Variants in BORCS5 observed in about 807,000 individuals in gnomAD.
BORCS5 encodes BLOC-1 related complex subunit 5, also known as BLOC-1-related complex subunit 5.
Under a neutral mutation model 22.1 loss-of-function variants are expected in BORCS5, and 17 were observed. That is an observed-to-expected ratio of 0.77 (90% CI 0.53 to 1.15). The LOEUF (loss-of-function observed/expected upper bound fraction) is 1.15, where lower values mean the gene tolerates loss of function less well. Among genes scored for constraint, BORCS5 ranks in the 50% most tolerant of loss-of-function variants. BORCS5 has a pLI of 0.00. For synonymous variants in BORCS5, 117 were observed against 99.8 expected (o/e 1.17, Z -1.03); for missense variants, 247 against 253.2 (o/e 0.98, Z 0.17).
chr12:12,464,367 T>G (rs970457162), intron 3 of BORCS5, among the ~76,000 whole-genome samples: 1 of 152,202 alleles, frequency 6.6e-6, no homozygotes, highest in African/African-American at 2.4e-5. Flanking sequence ...AGGGAAATTA[T>G]TTTTTCTTGG....
chr12:12,417,677 A>G (rs1942005171), intron 2 of BORCS5, among the ~76,000 whole-genome samples: 1 of 151,988 alleles, frequency 6.6e-6, no homozygotes, highest in African/African-American at 2.4e-5. Context: ...TTTTTTTGAG[A>G]CAGGGTCTAA....
At position 12,465,730 on chromosome 12, in the gene BORCS5, G is replaced by A. The variant is rs528371382; in HGVS notation, c.545G>A (p.Arg182Gln). 19 of 1,614,054 alleles carry A rather than the reference G, an allele frequency of 1.2e-5. No individual in the cohort carries two copies. The highest frequency in any genetic ancestry group is 1.6e-4 in the Middle Eastern group (1 of 6,062). Residue 182 changes from arginine to glutamine, a missense_variant, in exon 4 of 4, where the codon CGG becomes CAG. Transcript: ENST00000314565. ...AACAGCATGCTGCCCGAGGGCGAGC[G>A]GCTGGAGCCCTTCAGCATGAAGCCC... The part of the protein sequence containing the change: ...RLNSMLPEGE[R>Q]LEPFSMKPDR...
chr12:12,447,581 A>C (rs116808169), intron 3 of BORCS5, among the ~76,000 whole-genome samples: 1 of 152,140 alleles, frequency 6.6e-6, no homozygotes, highest in Non-Finnish European at 1.5e-5. Context: ...CATTAGACCA[A>C]TATCATCATT....
chr12:12,369,712 C>CTTTTTTTTTT lies in BORCS5; in HGVS notation c.202+8384_202+8393dup, dbSNP rs71061052. ...GTGTGGTTTCATTCACCCCCCACTT[C>CTTTTTTTTTT]TTTTTTTTTTTTTTTTTTTTTTTTT... On this transcript the variant is annotated intron_variant, in intron 2 of 3. Transcript: ENST00000314565. Among the ~76,000 whole-genome samples the CTTTTTTTTTT allele has an allele frequency of 5.1e-3, 218 of 42,954 alleles. 37 individuals are homozygous for CTTTTTTTTTT. The highest frequency in any genetic ancestry group is 0.019 in the East Asian group (19 of 1,022). The allele number at this position is 42,954 out of a possible 152,430, so 28.2% of individuals were successfully genotyped here.
intron 2 of BORCS5, among the ~76,000 whole-genome samples, chr12:12,426,996 C>T (rs1281744504): frequency 2.0e-5 from 3 of 152,026 alleles, no homozygotes; most frequent in South Asian, 2.1e-4. Context: ...TGATGACTGC[C>T]GTTGCCCCCT....
chr12:12,380,901 A>G (rs1202888704), intron 2 of BORCS5, among the ~76,000 whole-genome samples: 1 of 151,180 alleles, frequency 6.6e-6, no homozygotes, highest in East Asian at 1.9e-4. Context: ...TGGGTTTTTA[A>G]CTTATATTGT....
chr12:12,413,620 C>G (rs1370586595), intron 2 of BORCS5, among the ~76,000 whole-genome samples: 1 of 134,930 alleles, frequency 7.4e-6, no homozygotes, highest in Non-Finnish European at 1.6e-5. Context: ...GGGTCGTGGC[C>G]GGGCAGAGGG....
At chr12:12,435,528 T>C (rs1046149865) in intron 2 of BORCS5, 100 bp from the exon 3 acceptor site, 1 of 922,854 alleles carries the variant, frequency 1.1e-6, no homozygotes. Flanking sequence ...CAAGATTAAA[T>C]TGAAGTCTTA....
At chr12:12,442,930 C>G (rs1186083366) in intron 3 of BORCS5, among the ~76,000 whole-genome samples, 1 of 152,142 alleles carries the variant, frequency 6.6e-6, no homozygotes, top group Non-Finnish European at 1.5e-5. Context: ...GAGTCATTTT[C>G]CAAGTATTTG....
intron 3 of BORCS5, among the ~76,000 whole-genome samples, chr12:12,458,319 A>G (rs2136155877): frequency 6.6e-6 from 1 of 152,142 alleles, no homozygotes; most frequent in South Asian, 2.1e-4. Context: ...TTTCTAGCCC[A>G]TATTTCCCCC....
chr12:12,428,273 G>A (rs972915940), intron 2 of BORCS5, among the ~76,000 whole-genome samples: 2 of 152,076 alleles, frequency 1.3e-5, no homozygotes, highest in African/African-American at 4.8e-5. Flanking sequence ...GAATGAAAAA[G>A]ATCACTCTGC....
chr12:12,447,866 AG>A (rs1942822505), intron 3 of BORCS5, among the ~76,000 whole-genome samples: 1 of 152,174 alleles, frequency 6.6e-6, no homozygotes, highest in Non-Finnish European at 1.5e-5. Context: ...ACATCGGAAA[AG>A]GGAGTCCAGG....
intron 2 of BORCS5, among the ~76,000 whole-genome samples, chr12:12,424,953 T>C (rs373744048): frequency 6.6e-6 from 1 of 152,168 alleles, no homozygotes; most frequent in African/African-American, 2.4e-5. Flanking sequence ...CCTCTGAAAG[T>C]CACTTCAGCG....
rs189017112 is a variant in BORCS5, at chr12:12,415,852, G to A, written c.203-19776G>A. ...TAATGCTGCCCTCATAGATGAGTTA[G>A]GGAGTGTTTTCTCTGCTTCAATTTT... On this transcript the variant is annotated intron_variant, in intron 2 of 3. Transcript: ENST00000314565. Among the ~76,000 whole-genome samples the A allele has an allele frequency of 6.6e-3, 1,008 of 152,198 alleles. 7 individuals carry two copies. The highest frequency in any genetic ancestry group is 0.011 in the Non-Finnish European group (778 of 67,994).
At chr12:12,381,414 T>A (rs1863773052) in intron 2 of BORCS5, among the ~76,000 whole-genome samples, 1 of 151,428 alleles carries the variant, frequency 6.6e-6, no homozygotes, top group African/African-American at 2.4e-5. Flanking sequence ...TTTGTTTGTT[T>A]GCTTGTGGTA....
intron 3 of BORCS5, among the ~76,000 whole-genome samples, chr12:12,460,652 T>C (rs1943087093): frequency 6.6e-6 from 1 of 152,230 alleles, no homozygotes; most frequent in Non-Finnish European, 1.5e-5. Flanking sequence ...GTTGAGGAAG[T>C]TTCCTTCTGT....
chr12:12,430,763 A>G (rs1592121258), intron 2 of BORCS5, among the ~76,000 whole-genome samples: 1 of 152,214 alleles, frequency 6.6e-6, no homozygotes, highest in Admixed American at 6.5e-5. Flanking sequence ...TTATGTAAAT[A>G]TAAGTAAATC....
At chr12:12,372,476 G>A (rs1248487932) in intron 2 of BORCS5, among the ~76,000 whole-genome samples, 1 of 152,122 alleles carries the variant, frequency 6.6e-6, no homozygotes, top group Non-Finnish European at 1.5e-5. Context: ...CCACCAAATT[G>A]TTGGGATTAC....
intron 2 of BORCS5, among the ~76,000 whole-genome samples, chr12:12,364,311 G>A (rs983968541): frequency 6.6e-6 from 1 of 152,166 alleles, no homozygotes; most frequent in African/African-American, 2.4e-5. Flanking sequence ...GGGAGGCAGA[G>A]GTTGCAGTGA....
Sources: gnomAD v4.1 joint callset for allele counts (sites outside exome capture counted in the v4.1 genomes callset) on GRCh38, gnomAD v4.1.1 for gene constraint, MANE v1.5 for transcripts, NCBI Gene and HGNC (gene_info 2026-07-23, HGNC 2026-07-21) for gene names.